Variants in TAFA2 observed in about 807,000 individuals in gnomAD.
The protein encoded by TAFA2 is chemokine-like protein TAFA-2.
In TAFA2, 7 loss-of-function variants were observed where a neutral mutation model predicts 18.8. That is an observed-to-expected ratio of 0.37 (90% CI 0.21 to 0.70). TAFA2 has a LOEUF of 0.70. Among genes scored for constraint, TAFA2 ranks in the 30% least tolerant of loss-of-function variants. The pLI is 0.53. For synonymous variants in TAFA2, 60 were observed against 54.2 expected (o/e 1.11, Z -0.47); for missense variants, 122 against 158.1 (o/e 0.77, Z 1.23).
At chr12:61,783,727 C>A (rs1870605581) in intron 2 of TAFA2, among the ~76,000 whole-genome samples, 1 of 151,482 alleles carries the variant, frequency 6.6e-6, no homozygotes, top group Admixed American at 6.6e-5. Context: ...TTAAATTTAA[C>A]TCATTGAAAT....
intron 1 of TAFA2, among the ~76,000 whole-genome samples, chr12:62,062,763 T>C (rs1882384827): frequency 6.6e-6 from 1 of 152,216 alleles, no homozygotes; most frequent in East Asian, 1.9e-4. Flanking sequence ...ATTTCTTGCT[T>C]ATTTATGTTG....
intron 4 of TAFA2, among the ~76,000 whole-genome samples, chr12:61,721,801 CA>C (rs576821317): frequency 6.6e-6 from 1 of 151,930 alleles, no homozygotes; most frequent in Non-Finnish European, 1.5e-5. Context: ...ACTAAAAGTA[CA>C]AAAAATTAGC....
At chr12:61,948,236 T>C (rs1052223489) in intron 1 of TAFA2, among the ~76,000 whole-genome samples, 2 of 152,196 alleles carry the variant, frequency 1.3e-5, no homozygotes, top group African/African-American at 4.8e-5. Context: ...TCTACTATTA[T>C]TGCCATTCCT....
chr12:61,987,843 C>A (rs1345427492), intron 1 of TAFA2, among the ~76,000 whole-genome samples: 2 of 152,178 alleles, frequency 1.3e-5, no homozygotes. Context: ...AGGGGAAAAT[C>A]TACTGTTCTT....
chr12:61,789,226 G>T (rs534164485), intron 2 of TAFA2, among the ~76,000 whole-genome samples: 1 of 151,858 alleles, frequency 6.6e-6, no homozygotes, highest in Non-Finnish European at 1.5e-5. Context: ...CCATGCCTAT[G>T]TCCTGAATGG....
intron 2 of TAFA2, among the ~76,000 whole-genome samples, chr12:61,862,600 T>G (rs1874174386): frequency 6.6e-6 from 1 of 152,198 alleles, no homozygotes; most frequent in African/African-American, 2.4e-5. Context: ...ATTTGGTTCT[T>G]TCATCTTCTA....
At chr12:61,748,415 A>T (rs1317911976) in intron 4 of TAFA2, among the ~76,000 whole-genome samples, 2 of 152,136 alleles carry the variant, frequency 1.3e-5, no homozygotes, top group African/African-American at 4.8e-5. Flanking sequence ...GTTAAGAAAG[A>T]GCTGATCAAG....
intron 4 of TAFA2, among the ~76,000 whole-genome samples, chr12:61,718,710 T>C (rs1465658751): frequency 6.6e-6 from 1 of 152,208 alleles, no homozygotes; most frequent in Admixed American, 6.5e-5. Flanking sequence ...AAAGGTACTT[T>C]ACCTGCTAAA....
intron 1 of TAFA2, among the ~76,000 whole-genome samples, chr12:62,101,227 T>C (rs1328849979): frequency 6.6e-6 from 1 of 152,142 alleles, no homozygotes. Flanking sequence ...GAATTACCCA[T>C]GCCCACCTAA....
chr12:62,157,742 C>T (rs1465945284), intron 1 of TAFA2, among the ~76,000 whole-genome samples: 2 of 152,152 alleles, frequency 1.3e-5, no homozygotes, highest in East Asian at 3.8e-4. Flanking sequence ...TCCTCCAGCC[C>T]CTCCTTCCCT....
At chr12:61,891,100 C>T (rs979575201) in intron 1 of TAFA2, among the ~76,000 whole-genome samples, 1 of 152,108 alleles carries the variant, frequency 6.6e-6, no homozygotes. Context: ...GTCCTTCCAT[C>T]ATGTAATTTA....
At chr12:62,245,092 C>T (rs902593549) in intron 1 of TAFA2, among the ~76,000 whole-genome samples, 1 of 152,188 alleles carries the variant, frequency 6.6e-6, no homozygotes, top group East Asian at 1.9e-4. Flanking sequence ...GCTTTCCCTA[C>T]TCAGAGTGTA....
intron 1 of TAFA2, among the ~76,000 whole-genome samples, chr12:62,199,301 T>C (rs2062661542): frequency 6.6e-6 from 1 of 152,202 alleles, no homozygotes; most frequent in Non-Finnish European, 1.5e-5. Context: ...TATCAACCCA[T>C]CACCTGGGTA....
chr12:62,035,545 T>TA (rs1160386018), intron 1 of TAFA2, among the ~76,000 whole-genome samples: 12 of 135,184 alleles, frequency 8.9e-5, no homozygotes, highest in Admixed American at 3.5e-4. Context: ...AGCCATAAAA[T>TA]AAAAAAAATT....
intron 4 of TAFA2, among the ~76,000 whole-genome samples, chr12:61,744,233 G>A (rs1338685057): frequency 1.3e-5 from 2 of 151,966 alleles, no homozygotes; most frequent in South Asian, 2.1e-4. Context: ...TGCTCAAACT[G>A]GTCCTATTAC....
chr12:61,868,303 A>G (rs555960861), intron 1 of TAFA2, among the ~76,000 whole-genome samples: 1 of 152,286 alleles, frequency 6.6e-6, no homozygotes, highest in East Asian at 1.9e-4. Context: ...GTAAAAATAC[A>G]AACCCAGAAT....
chr12:61,922,354 G>A (rs556833295), intron 1 of TAFA2, among the ~76,000 whole-genome samples: 5 of 152,164 alleles, frequency 3.3e-5, no homozygotes, highest in African/African-American at 9.6e-5. Context: ...CTCCCAGCGA[G>A]ACCAACACAG....
At chr12:61,814,511 T>A (rs1315131798) in intron 2 of TAFA2, among the ~76,000 whole-genome samples, 1 of 151,248 alleles carries the variant, frequency 6.6e-6, no homozygotes, top group African/African-American at 2.5e-5. Flanking sequence ...TATGGGCTGC[T>A]TGAGGAAGAA....
intron 1 of TAFA2, among the ~76,000 whole-genome samples, chr12:62,130,204 G>A (rs916213450): frequency 6.6e-6 from 1 of 151,882 alleles, no homozygotes; most frequent in African/African-American, 2.4e-5. Context: ...AACCATAGTT[G>A]CAGCCTAACA....
Sources: allele counts gnomAD v4.1 joint callset (sites outside exome capture counted in the v4.1 genomes callset), GRCh38; gene constraint gnomAD v4.1.1; transcripts MANE v1.5; gene names NCBI Gene and HGNC (gene_info 2026-07-23, HGNC 2026-07-21).